The following TEKT1 variants were observed in gnomAD, a reference collection of about 807,000 sequenced individuals.
The protein encoded by TEKT1 is tektin-1.
TEKT1 carries 32 observed loss-of-function variants against 34.8 expected under a neutral mutation model. The observed-to-expected ratio is 0.92, with a 90% confidence interval of 0.69 to 1.23. The LOEUF (loss-of-function observed/expected upper bound fraction) is 1.23. Ranked by LOEUF, TEKT1 falls within the 50% of genes most tolerant of loss-of-function variation. The pLI, the probability that TEKT1 is intolerant of heterozygous loss-of-function variation, is 0.00. For missense variants in TEKT1, 492 were observed against 518.5 expected (o/e 0.95, Z 0.50); for synonymous variants, 207 against 199.8 (o/e 1.04, Z -0.30).
Position 6,799,915 on chromosome 17 carries a change from A to G in TEKT1, c.*112T>C, listed in dbSNP as rs925584831. 5.7e-6 allele frequency: 6 copies of G among 1,054,856 alleles called. No homozygotes were observed. In the African/African-American group the frequency reaches 8.0e-5, roughly 14 times the overall value. The allele number at this position is 1,054,856 out of a possible 1,614,324, so 65.3% of individuals were successfully genotyped here. Reference sequence around the variant, plus strand: ...CCTGAGCAGGCTTGGAATGCCAGCCAAGAGGTTGCAGCAGGCTGGCTAGAG... The same window carrying G: ...CCTGAGCAGGCTTGGAATGCCAGCCGAGAGGTTGCAGCAGGCTGGCTAGAG... On this transcript the variant is annotated 3_prime_UTR_variant, in exon 8 of 8. Transcript: ENST00000338694.
chr17:6,808,367 C>A (rs1052291912), intron 6 of TEKT1, among the ~76,000 whole-genome samples: 36 of 152,182 alleles, frequency 2.4e-4, no homozygotes, highest in Admixed American at 4.6e-4. Flanking sequence ...CCATCTGTCA[C>A]CCCTTTCTTT....
chr17:6,819,042 G>T, intron 3 of TEKT1, 151 bp downstream of exon 3: 1 of 930,976 alleles, frequency 1.1e-6, no homozygotes, highest in Non-Finnish European at 1.6e-6. Flanking sequence ...GCACTGCCCA[G>T]CACCAGGGGC....
intron 6 of TEKT1, among the ~76,000 whole-genome samples, chr17:6,809,160 T>G (rs1194847404): frequency 6.6e-6 from 1 of 152,198 alleles, no homozygotes; most frequent in Admixed American, 6.5e-5. Flanking sequence ...TATTGATATA[T>G]TATTATTAAC....
intron 2 of TEKT1, among the ~76,000 whole-genome samples, chr17:6,823,850 T>G (rs1904328256): frequency 1.6e-5 from 2 of 128,184 alleles, no homozygotes; most frequent in Admixed American, 9.1e-5. Context: ...TGAGACAGAG[T>G]CTCACTCTTT....
chr17:6,827,355 G>A (rs376238125), intron 2 of TEKT1, among the ~76,000 whole-genome samples: 41 of 149,362 alleles, frequency 2.7e-4, no homozygotes, highest in East Asian at 2.6e-3. Context: ...TCCGCCTCCC[G>A]GGTTCAAGCG....
intron 6 of TEKT1, among the ~76,000 whole-genome samples, chr17:6,810,816 G>A (rs1976916947): frequency 6.6e-6 from 1 of 152,130 alleles, no homozygotes; most frequent in Non-Finnish European, 1.5e-5. Context: ...TCGGCTCACT[G>A]CAACCTCTGT....
chr17:6,807,630 G>A (rs1451697827), intron 6 of TEKT1, among the ~76,000 whole-genome samples: 1 of 152,118 alleles, frequency 6.6e-6, no homozygotes, highest in Admixed American at 6.5e-5. Context: ...TGATGGTGAC[G>A]TACAGATAGG....
intron 6 of TEKT1, among the ~76,000 whole-genome samples, chr17:6,808,409 A>C (rs879926580): frequency 2.0e-5 from 3 of 152,188 alleles, no homozygotes; most frequent in Non-Finnish European, 4.4e-5. Context: ...GACCCCTTGC[A>C]CTTCCCGGGT....
At chr17:6,818,493 C>T (rs1055650166) in intron 3 of TEKT1, among the ~76,000 whole-genome samples, 1 of 152,164 alleles carries the variant, frequency 6.6e-6, no homozygotes, top group Admixed American at 6.5e-5. Context: ...TTACAAAGTG[C>T]TTCCGTGTGG....
chr17:6,800,216 G>A lies in TEKT1; in HGVS notation c.1068C>T (p.Ala356=), dbSNP rs745378384. Residue 356 remains alanine, a synonymous_variant, in exon 8 of 8, where the codon GCC becomes GCT. Coordinates refer to ENST00000338694, the MANE Select transcript of TEKT1 (RefSeq NM_053285.2). ...GCCCTTTCAGCTCTGCCTGAGCTTG[G>A]GCTAAAGTTTCCTTCAATCTAGGAG... The part of the protein sequence containing the change: ...HNVARLKETL[A]QAQAELKGLH... 4.7e-5 allele frequency: 76 copies of A among 1,613,762 alleles called. No individual in the cohort carries two copies. The Middle Eastern group carries it at 2.0e-3, about 42-fold the overall frequency.
chr17:6,817,113 C>T (rs1372570716), intron 3 of TEKT1, among the ~76,000 whole-genome samples: 4 of 152,282 alleles, frequency 2.6e-5, no homozygotes, highest in South Asian at 2.1e-4. Flanking sequence ...CAGTGACTCA[C>T]GCCTGTAATC....
rs1319040613 is a variant in TEKT1 at position 6,830,278 on chromosome 17, T to G, written c.99A>C (p.Arg33=). 1 of 1,613,548 alleles carries G rather than the reference T, an allele frequency of 6.2e-7. No homozygotes were observed. Among genetic ancestry groups the G allele is most frequent in the East Asian group, 2.2e-5 (1 of 44,886 alleles). The change falls in exon 2 of 8, where the codon CGA becomes CGC. Residue 33 remains arginine (R), a synonymous_variant. Transcript: ENST00000338694. The stretch of plus-strand genomic sequence containing the variant: ...GGCTTTCTGCGACCAGGCGTTCTGA[T>G]CGGGACCTTTGAGCGTCTGCTCTGT... The part of the protein sequence containing the change: ...QYHRADAQRS[R]SERLVAESQR...
rs1567678510 is a variant in TEKT1, at chr17:6,811,896, A to G, written c.852+935T>C. 6.6e-6 allele frequency among the ~76,000 whole-genome samples: 1 copy of G among 152,102 alleles called. No homozygotes were observed. Among genetic ancestry groups the G allele is most frequent in the East Asian group, 1.9e-4 (1 of 5,162 alleles). ...TACAGGAAGGACCCTAATCTGTAGA[A>G]TTTGCCGATATCTGTGGTACAAATG... On this transcript the variant is annotated intron_variant, in intron 6 of 7. Transcript: ENST00000338694. This position sits in a 1 kb window ranked among gnomAD's most constrained non-coding sequence, Gnocchi z 4.4.
At chr17:6,800,639 C>G in intron 7 of TEKT1, 108 bp downstream of exon 7, 1 of 1,348,810 alleles carries the variant, frequency 7.4e-7, no homozygotes, top group Non-Finnish European at 1.0e-6. Flanking sequence ...TCAAGCATTC[C>G]AGAGCAGGCT....
chr17:6,828,183 A>G (rs532852577), intron 2 of TEKT1, among the ~76,000 whole-genome samples: 223 of 152,242 alleles, frequency 1.5e-3, no homozygotes, highest in African/African-American at 5.2e-3. Flanking sequence ...TGACCTTGTG[A>G]TCCGCCCACG....
chr17:6,812,724 T>C, intron 6 of TEKT1, 107 bp downstream of exon 6: 1 of 1,094,066 alleles, frequency 9.1e-7, no homozygotes, highest in Admixed American at 2.2e-5. Context: ...GTTAACCCAA[T>C]ATCCCAAGCC....
At chr17:6,810,192 G>A (rs959885650) in intron 6 of TEKT1, among the ~76,000 whole-genome samples, 9 of 152,180 alleles carry the variant, frequency 5.9e-5, no homozygotes, top group African/African-American at 2.2e-4. Flanking sequence ...CCGAGGTGTT[G>A]TTGTTTTAAT....
intron 6 of TEKT1, among the ~76,000 whole-genome samples, chr17:6,809,076 C>A (rs1471879991): frequency 2.0e-5 from 3 of 152,168 alleles, no homozygotes; most frequent in African/African-American, 4.8e-5. Context: ...TTTCTCCCCC[C>A]ATCCAGGTTT....
At chr17:6,813,260 AT>A (rs1002993202) in intron 5 of TEKT1, among the ~76,000 whole-genome samples, 2 of 152,158 alleles carry the variant, frequency 1.3e-5, no homozygotes, top group African/African-American at 4.8e-5. Context: ...CCTTATAGAC[AT>A]TATCTCATTT....
Sources: gnomAD v4.1 joint callset for allele counts (sites outside exome capture counted in the v4.1 genomes callset) on GRCh38, gnomAD v4.1.1 for gene constraint, Gnocchi (gnomAD v3.1) non-coding constraint, MANE v1.5 for transcripts, NCBI Gene and HGNC (gene_info 2026-07-23, HGNC 2026-07-21) for gene names.